The following LIG1 variants were observed in gnomAD, a reference collection of about 807,000 sequenced individuals.
The protein encoded by LIG1 is DNA ligase 1, also known as ligase I, DNA, ATP-dependent.
LIG1 carries 70 observed loss-of-function variants against 115.7 expected under a neutral mutation model. That is an observed-to-expected ratio of 0.60 (90% confidence interval 0.50 to 0.74). The LOEUF (loss-of-function observed/expected upper bound fraction) is 0.74. LIG1 is among the 30% of genes least tolerant of loss of function. The pLI, the probability that LIG1 is intolerant of heterozygous loss-of-function variation, is 0.00. For missense variants in LIG1, 1,115 were observed against 1,225.6 expected, an observed-to-expected ratio of 0.91 and a Z score of 1.35; for synonymous variants, 487 against 495.3, an observed-to-expected ratio of 0.98 and a Z score of 0.22.
chr19:48,136,626 G>A (rs747911453), intron 14 of LIG1, among the ~76,000 whole-genome samples: 13 of 152,150 alleles, frequency 8.5e-5, no homozygotes, highest in Non-Finnish European at 1.9e-4. Flanking sequence ...GGTAAGGCAC[G>A]GGGCACAGGG....
chr19:48,116,008 A>AC lies in LIG1; in HGVS notation c.2584-44dup, dbSNP rs767523594. 5.4e-6 allele frequency: 8 copies of AC among 1,474,978 alleles called. No individual in the cohort carries two copies. In the South Asian group the frequency reaches 8.1e-5, roughly 15 times the overall value. 91.4% of individuals were successfully genotyped at this position (1,474,978 alleles called of 1,614,324 possible). A position where few individuals can be genotyped will look rare whatever the true frequency, so the allele number is the denominator to read the frequency against. On this transcript the variant is annotated intron_variant, in intron 26 of 27. Transcript: ENST00000263274. ...AGACTCCTGCGGTCCAGCCCCAGCG[A>AC]CCCCCTGCTCAGTCTCCTCCCTCCT... is the stretch of plus-strand genomic sequence containing the variant.
rs1405895505 is a variant in LIG1, at chr19:48,117,797, G to C, written c.2440-16C>G. On this transcript the variant is annotated splice_polypyrimidine_tract_variant and intron_variant, in intron 25 of 27. Coordinates refer to ENST00000263274, the MANE Select transcript of LIG1 (RefSeq NM_000234.3). ...GCACCAGCGCCTGCAGTGAGCAGAG[G>C]AAGAGAGGAACAGAGGGTCTGGAAT... 1.2e-6 allele frequency: 2 copies of C among 1,610,886 alleles called. No homozygotes were observed. The highest frequency in any genetic ancestry group is 2.2e-5 in the South Asian group (2 of 90,096).
At chr19:48,131,766 C>T (rs1206962416) in intron 18 of LIG1, among the ~76,000 whole-genome samples, 2 of 152,128 alleles carry the variant, frequency 1.3e-5, no homozygotes, top group East Asian at 1.9e-4. Flanking sequence ...TAAGACAGTC[C>T]GGTCACAGCC....
Position 48,162,448 on chromosome 19 carries a change from T to C in LIG1, c.18-97A>G. 8 of 942,712 alleles carry C rather than the reference T, an allele frequency of 8.5e-6. No individual in the cohort carries two copies. In the South Asian group the frequency reaches 1.0e-4, roughly 12 times the overall value. The allele number at this position is 942,712 out of a possible 1,614,324, so 58.4% of individuals were successfully genotyped here. A position where few individuals can be genotyped will look rare whatever the true frequency, so the allele number is the denominator to read the frequency against. ...CTATAACTTCCTTTTTTTTTTTTTT[T>C]TTTGAGACAGAGTCTCGCTCTGTAG... On this transcript the variant is annotated intron_variant, in intron 2 of 27. Coordinates refer to ENST00000263274, the MANE Select transcript of LIG1 (RefSeq NM_000234.3).
intron 4 of LIG1, among the ~76,000 whole-genome samples, chr19:48,159,663 T>C (rs1301358924): frequency 1.3e-5 from 2 of 152,152 alleles, no homozygotes; most frequent in Non-Finnish European, 2.9e-5. Flanking sequence ...CAGGGTGAGA[T>C]GTGGCCACAG....
chr19:48,165,587 T>C lies in LIG1; in HGVS notation c.-21A>G. ...TGCATGTTGGCGTCAGAATTCTCCCTTCCTGTCCAGCACTTTTCTTCGTCT... is the reference window on the plus strand; with the variant it reads ...TGCATGTTGGCGTCAGAATTCTCCCCTCCTGTCCAGCACTTTTCTTCGTCT... On this transcript the variant is annotated 5_prime_UTR_variant, in exon 2 of 28. Transcript: ENST00000263274. The C allele has an allele frequency of 5.6e-6, 9 of 1,614,102 alleles. No individual in the cohort carries two copies. The highest frequency in any genetic ancestry group is 1.7e-5 in the Admixed American group (1 of 60,002).
At chr19:48,127,431 G>A (rs564987860) in intron 20 of LIG1, 83 bp from the exon 21 acceptor site, 19 of 1,238,492 alleles carry the variant, frequency 1.5e-5, no homozygotes, top group Admixed American at 3.6e-5. Context: ...TTCATCTACC[G>A]GTCTCCCTCT....
In LIG1 at chr19:48,162,158, T is replaced by A; in HGVS notation, c.107+104A>T. The stretch of plus-strand genomic sequence containing the variant: ...CTTCTGGCCACCTGGCTGAAAAAGT[T>A]TTTTGGGCCCCAAGACATTTTGCAT... On this transcript the variant is annotated intron_variant, in intron 3 of 27. Coordinates refer to ENST00000263274, the MANE Select transcript of LIG1 (RefSeq NM_000234.3). 4 of 1,148,728 alleles carry A rather than the reference T, an allele frequency of 3.5e-6. 1 individual carries two copies. The Admixed American group carries it at 7.0e-5, about 20-fold the overall frequency. The allele number at this position is 1,148,728 out of a possible 1,614,324, so 71.2% of individuals were successfully genotyped here.
Position 48,135,678 on chromosome 19 carries a change from A to G in LIG1, c.1523+2T>C, listed in dbSNP as rs2034334054. 6.2e-7 allele frequency: 1 copy of G among 1,612,478 alleles called. No homozygotes were observed. Among genetic ancestry groups the G allele is most frequent in the East Asian group, 2.2e-5 (1 of 44,844 alleles). ...CAACTCCACCCACTGCCCAGCTCTC[A>G]CCAGAACGTCTGCTTCAGGATCATG... On this transcript the variant is annotated splice_donor_variant, in intron 16 of 27. Transcript: ENST00000263274. LOFTEE classifies it high-confidence loss of function.
At chr19:48,149,293 T>A (rs994545365) in intron 9 of LIG1, among the ~76,000 whole-genome samples, 4 of 152,022 alleles carry the variant, frequency 2.6e-5, no homozygotes, top group Non-Finnish European at 5.9e-5. Flanking sequence ...CAAGACTCTG[T>A]CTCAAAAATA....
intron 5 of LIG1, among the ~76,000 whole-genome samples, chr19:48,154,944 C>T (rs2035742695): frequency 6.6e-6 from 1 of 152,174 alleles, no homozygotes; most frequent in Non-Finnish European, 1.5e-5. Flanking sequence ...CTTCCCACAC[C>T]ACATACTCCA....
At chr19:48,166,265 C>T (rs2036477617) in intron 1 of LIG1, among the ~76,000 whole-genome samples, 1 of 152,120 alleles carries the variant, frequency 6.6e-6, no homozygotes, top group Admixed American at 6.5e-5. Flanking sequence ...GGTGCGGTGG[C>T]ACGCGCCTGT....
chr19:48,160,572 A>G lies in LIG1; in HGVS notation c.243+800T>C, dbSNP rs1230786655. On this transcript the variant is annotated intron_variant, in intron 4 of 27. Coordinates refer to ENST00000263274, the MANE Select transcript of LIG1 (RefSeq NM_000234.3). The stretch of plus-strand genomic sequence containing the variant: ...GGGAGTCACAGGACCTGACCTCACC[A>G]CTGACAGAATAAGCAGCACCACGCT... Among the ~76,000 whole-genome samples the G allele has an allele frequency of 2.0e-5, 3 of 152,184 alleles. No individual in the cohort carries two copies. In the East Asian group the frequency reaches 5.8e-4, roughly 29 times the overall value.
intron 4 of LIG1, among the ~76,000 whole-genome samples, chr19:48,159,880 G>C (rs1315880384): frequency 6.6e-6 from 1 of 152,166 alleles, no homozygotes; most frequent in African/African-American, 2.4e-5. Flanking sequence ...ACCACGCCCA[G>C]CTAATTTTTT....
intron 6 of LIG1, 99 bp downstream of exon 6, chr19:48,153,773 C>CACAA: frequency 2.9e-6 from 1 of 339,304 alleles, no homozygotes. Flanking sequence ...CACACACACA[C>CACAA]CTCTCCTTCT....
chr19:48,135,599 C>T (rs751876796), intron 16 of LIG1, 81 bp downstream of exon 16: 1 of 1,095,764 alleles, frequency 9.1e-7, no homozygotes, highest in Admixed American at 1.7e-5. Flanking sequence ...ACTGGCCCCA[C>T]CCACTGCTCC....
In LIG1 at chr19:48,122,800, G is replaced by C. The variant is rs1218393283; in HGVS notation, c.2232+134C>G. 2.4e-6 allele frequency: 2 copies of C among 842,210 alleles called. No individual in the cohort carries two copies. Among genetic ancestry groups the C allele is most frequent in the African/African-American group, 1.7e-5 (1 of 60,126 alleles). The allele number at this position is 842,210 out of a possible 1,614,324, so 52.2% of individuals were successfully genotyped here. Reference sequence around the variant, plus strand: ...AAGGTCTGAACTCAGTTGCAGCAGGGGGCTGGGGTGGGATTGTGAAAAGGG... The same window carrying C: ...AAGGTCTGAACTCAGTTGCAGCAGGCGGCTGGGGTGGGATTGTGAAAAGGG... On this transcript the variant is annotated intron_variant, in intron 23 of 27. Coordinates refer to ENST00000263274, the MANE Select transcript of LIG1 (RefSeq NM_000234.3). The surrounding 1 kb of genome is among the most constrained non-coding windows in gnomAD (Gnocchi z 4.3).
Position 48,123,873 on chromosome 19 carries a change from C to T in LIG1, c.2005-555G>A, listed in dbSNP as rs561509884. ...GATAATTAAAAAAAAAAAAAAAAGT[C>T]CTCCTTTCCTTAGAATTCCAAAAGT... On this transcript the variant is annotated intron_variant, in intron 21 of 27. Transcript: ENST00000263274. 8.6e-5 allele frequency among the ~76,000 whole-genome samples: 13 copies of T among 151,976 alleles called. No homozygotes were observed. The South Asian group carries it at 2.7e-3, about 32-fold the overall frequency.
chr19:48,121,036 T>C, intron 24 of LIG1, 134 bp downstream of exon 24: 1 of 1,528,754 alleles, frequency 6.5e-7, no homozygotes, highest in Non-Finnish European at 8.8e-7. Context: ...AAAAAGTAAA[T>C]AAAAACTGGG....
Sources: gnomAD v4.1 joint callset for allele counts (sites outside exome capture counted in the v4.1 genomes callset) on GRCh38, gnomAD v4.1.1 for gene constraint, Gnocchi (gnomAD v3.1) non-coding constraint, MANE v1.5 for transcripts, NCBI Gene and HGNC (gene_info 2026-07-23, HGNC 2026-07-21) for gene names.